The following ZNF66 variants were observed in gnomAD, a reference collection of about 807,000 sequenced individuals.
ZNF66 encodes putative zinc finger protein 66.
In ZNF66, 32 loss-of-function variants were observed where a neutral mutation model predicts 35.2. The ratio of observed to expected loss-of-function variants is 0.91; its 90% CI spans 0.69 to 1.22. The LOEUF (loss-of-function observed/expected upper bound fraction) is 1.22, where lower values mean the gene tolerates loss of function less well. Among genes scored for constraint, ZNF66 ranks in the 50% most tolerant of loss-of-function variants. The pLI is 0.00. For synonymous variants in ZNF66, 231 were observed against 181.3 expected (o/e 1.27, Z -2.20); for missense variants, 666 against 543.1 (o/e 1.23, Z -2.25).
At chr19:20,804,376 T>C (rs1483169449) in intron 3 of ZNF66, among the ~76,000 whole-genome samples, 6 of 152,032 alleles carry the variant, frequency 3.9e-5, no homozygotes, top group African/African-American at 1.4e-4. Flanking sequence ...CCTCAGTAAC[T>C]GGGATTATAG....
chr19:20,791,485 C>CA (rs35269524), intron 1 of ZNF66, among the ~76,000 whole-genome samples: 8,606 of 56,576 alleles, frequency 0.15, 508 homozygotes, highest in African/African-American at 0.23. Context: ...GACTTAATCT[C>CA]AAAAAAAAAA....
intron 1 of ZNF66, among the ~76,000 whole-genome samples, chr19:20,789,811 G>T (rs1971319728): frequency 6.6e-6 from 1 of 152,178 alleles, no homozygotes; most frequent in South Asian, 2.1e-4. Context: ...GTTATGCCCA[G>T]CACAGTGCTC....
At chr19:20,803,098 A>G (rs1971464888) in intron 3 of ZNF66, among the ~76,000 whole-genome samples, 1 of 151,922 alleles carries the variant, frequency 6.6e-6, no homozygotes. Context: ...TGCCACTTTC[A>G]GTCTTTTTTT....
At chr19:20,781,342 A>G (rs1423234582) in intron 1 of ZNF66, among the ~76,000 whole-genome samples, 1 of 152,146 alleles carries the variant, frequency 6.6e-6, no homozygotes, top group Non-Finnish European at 1.5e-5. Context: ...CGTACTAAGC[A>G]TAGCACCAAA....
chr19:20,802,451 A>G (rs933435903), intron 3 of ZNF66, among the ~76,000 whole-genome samples: 1 of 152,228 alleles, frequency 6.6e-6, no homozygotes, highest in Non-Finnish European at 1.5e-5. Context: ...GAACAAGTGC[A>G]TGCTCAAGAG....
At chr19:20,798,097 T>C (rs150247380) in intron 3 of ZNF66, among the ~76,000 whole-genome samples, 1 of 152,190 alleles carries the variant, frequency 6.6e-6, no homozygotes, top group Non-Finnish European at 1.5e-5. Flanking sequence ...ATGGTAGTTT[T>C]ATCTTGTCTA....
intron 2 of ZNF66, 108 bp downstream of exon 2, chr19:20,792,746 G>C (rs1971350446): frequency 1.3e-5 from 9 of 699,028 alleles, no homozygotes; most frequent in Non-Finnish European, 2.0e-5. Flanking sequence ...TTCAGATCCA[G>C]TTTTTCAAGA....
chr19:20,806,099 C>A lies in ZNF66; in HGVS notation c.499C>A (p.His167Asn). Residue 167 changes from histidine to asparagine, a missense_variant, in exon 4 of 4, where the codon CAT becomes AAT. His to Asn is a moderately conservative substitution (Grantham distance 68). Transcript: ENST00000344519. Reference sequence around the variant, plus strand: ...AAATACAAACAGACATAAGATAAGACATACTGGAAAAAACCCTTGCAAATT... The same window carrying A: ...AAATACAAACAGACATAAGATAAGAAATACTGGAAAAAACCCTTGCAAATT... Reference protein sequence around the residue: ...FSNTNRHKIRHTGKNPCKFTE... With the variant: ...FSNTNRHKIRNTGKNPCKFTE... 1 of 906,758 alleles carries A rather than the reference C, an allele frequency of 1.1e-6. No individual in the cohort carries two copies. 56.2% of individuals were successfully genotyped at this position (906,758 alleles called of 1,614,324 possible).
At position 20,809,139 on chromosome 19, in the gene ZNF66, A is replaced by G. The variant is rs1971560516; in HGVS notation, c.*1817A>G. ...TGAGAAGGGAAGTTTAGAGAAAAAA[A>G]ATTAAAAAGAAACAAAGTCTCCAAG... is the stretch of plus-strand genomic sequence containing the variant. On this transcript the variant is annotated 3_prime_UTR_variant, in exon 4 of 4. Coordinates refer to ENST00000344519, the MANE Select transcript of ZNF66 (RefSeq NM_001355197.2). Among the ~76,000 whole-genome samples, 1 of 150,352 alleles carries G rather than the reference A, an allele frequency of 6.7e-6. No individual in the cohort carries two copies. Among genetic ancestry groups the G allele is most frequent in the East Asian group, 1.9e-4 (1 of 5,166 alleles).
rs542138902 is a variant in ZNF66, at chr19:20,809,748, G to A, written c.*2426G>A. ...ATCATGCCAAAATGTAAAGACCATCGAGACTAGGAAGAAACTGCATGAACT... is the reference window on the plus strand; with the variant it reads ...ATCATGCCAAAATGTAAAGACCATCAAGACTAGGAAGAAACTGCATGAACT... On this transcript the variant is annotated 3_prime_UTR_variant, in exon 4 of 4. Coordinates refer to ENST00000344519, the MANE Select transcript of ZNF66 (RefSeq NM_001355197.2). Among the ~76,000 whole-genome samples, 64 of 151,946 alleles carry A rather than the reference G, an allele frequency of 4.2e-4. No individual in the cohort carries two copies. The highest frequency in any genetic ancestry group is 1.9e-3 in the South Asian group (9 of 4,792).
intron 1 of ZNF66, among the ~76,000 whole-genome samples, chr19:20,780,417 G>T (rs150176665): frequency 6.6e-6 from 1 of 152,124 alleles, no homozygotes; most frequent in Non-Finnish European, 1.5e-5. Flanking sequence ...CATAACTACA[G>T]TGTTTTGCTA....
intron 1 of ZNF66, among the ~76,000 whole-genome samples, chr19:20,791,715 AAG>A (rs967955001): frequency 8.2e-4 from 125 of 152,232 alleles, no homozygotes; most frequent in African/African-American, 2.9e-3. Context: ...TTTTTTTAAA[AAG>A]GAATATTTCA....
chr19:20,783,537 T>G (rs1971262305), intron 1 of ZNF66, among the ~76,000 whole-genome samples: 1 of 152,214 alleles, frequency 6.6e-6, no homozygotes, highest in Non-Finnish European at 1.5e-5. Context: ...TTTTTAGTCC[T>G]TTAAGGTAGA....
intron 3 of ZNF66, among the ~76,000 whole-genome samples, chr19:20,797,203 T>TGAAG (rs1971402128): frequency 6.1e-4 from 53 of 87,014 alleles, no homozygotes; most frequent in African/African-American, 2.7e-3. Flanking sequence ...TTTTTTTTTT[T>TGAAG]TTTTTTTTTT....
Position 20,808,431 on chromosome 19 carries a change from A to G in ZNF66, c.*1109A>G, listed in dbSNP as rs559383372. Among the ~76,000 whole-genome samples, 161 of 152,312 alleles carry G rather than the reference A, an allele frequency of 1.1e-3. 1 individual carries two copies. Among genetic ancestry groups the G allele is most frequent in the African/African-American group, 3.8e-3 (157 of 41,576 alleles). On this transcript the variant is annotated 3_prime_UTR_variant, in exon 4 of 4. Transcript: ENST00000344519. ...TGGGTCTCTGACCCCCGAGCAGCCT[A>G]ACTGGGAGGCACACCCCAGTAGGGG... is the stretch of plus-strand genomic sequence containing the variant.
chr19:20,778,564 A>C (rs1207179988), intron 1 of ZNF66, among the ~76,000 whole-genome samples: 2 of 152,102 alleles, frequency 1.3e-5, no homozygotes, highest in African/African-American at 4.8e-5. Context: ...CAGGTTGATT[A>C]CTTGAGGTCA....
At chr19:20,786,811 G>A (rs376576927) in intron 1 of ZNF66, among the ~76,000 whole-genome samples, 12 of 152,290 alleles carry the variant, frequency 7.9e-5, no homozygotes, top group East Asian at 7.7e-4. Flanking sequence ...TGCCCAGGCT[G>A]AGTGCAATGG....
At chr19:20,803,746 C>CA (rs35126183) in intron 3 of ZNF66, among the ~76,000 whole-genome samples, 14,142 of 152,044 alleles carry the variant, frequency 0.093, 669 homozygotes, top group Middle Eastern at 0.11. Context: ...GGAGGAAACT[C>CA]ACCATCTTTG....
At chr19:20,792,752 C>A in intron 2 of ZNF66, 114 bp downstream of exon 2, 1 of 672,610 alleles carries the variant, frequency 1.5e-6, no homozygotes, top group South Asian at 2.7e-5. Flanking sequence ...TCCAGTTTTT[C>A]AAGAAAATCT....
Sources: gnomAD v4.1 joint callset for allele counts (sites outside exome capture counted in the v4.1 genomes callset) on GRCh38, gnomAD v4.1.1 for gene constraint, MANE v1.5 for transcripts, NCBI Gene and HGNC (gene_info 2026-07-23, HGNC 2026-07-21) for gene names.